Variants in MTRF1L observed in about 807,000 individuals in gnomAD.
The protein encoded by MTRF1L is mitochondrial translation release factor 1 like.
Under a neutral mutation model 40.0 loss-of-function variants are expected in MTRF1L, and 29 were observed. The observed-to-expected ratio is 0.73, with a 90% CI of 0.54 to 0.99. MTRF1L has a LOEUF of 0.99. Ranked by LOEUF, MTRF1L falls within the 50% of genes least tolerant of loss-of-function variation. The pLI, the probability that MTRF1L is intolerant of heterozygous loss-of-function variation, is 0.00. For synonymous variants in MTRF1L, 150 were observed against 175.8 expected (o/e 0.85, Z 1.16); for missense variants, 412 against 464.5 (o/e 0.89, Z 1.04).
chr6:153,001,845 C>A (rs776276710), intron 1 of MTRF1L, among the ~76,000 whole-genome samples: 25 of 152,246 alleles, frequency 1.6e-4, no homozygotes, highest in Non-Finnish European at 3.4e-4. Flanking sequence ...CTTTTCTTTA[C>A]AAAGACGTGA....
intron 3 of MTRF1L, 181 bp from the exon 4 acceptor site, chr6:152,994,857 AAAC>A (rs1309048365): frequency 9.5e-6 from 8 of 844,462 alleles, no homozygotes; most frequent in Non-Finnish European, 1.3e-5. Context: ...TACAAGTACT[AAAC>A]AAAGCATTTA....
chr6:152,990,349 C>T (rs1319673448), intron 6 of MTRF1L: 2 of 484,946 alleles, frequency 4.1e-6, no homozygotes, highest in Admixed American at 3.7e-5. Flanking sequence ...CTTAGTTTCC[C>T]GATCTGCAAA....
intron 5 of MTRF1L, among the ~76,000 whole-genome samples, chr6:152,991,640 G>T (rs897904666): frequency 6.6e-6 from 1 of 152,074 alleles, no homozygotes; most frequent in Non-Finnish European, 1.5e-5. Flanking sequence ...TCCGCCTCCC[G>T]GGTTCACGCC....
intron 6 of MTRF1L, chr6:152,990,302 T>C: frequency 1.4e-6 from 1 of 740,424 alleles, no homozygotes; most frequent in Non-Finnish European, 2.1e-6. Flanking sequence ...ATCTGAATCC[T>C]GCCTCAGCCA....
rs565104713 is a variant in MTRF1L at position 153,002,287 on chromosome 6, G to C, written c.259+140C>G. ...AGAGGATGGGATCACAGCACGTAAT[G>C]ATGTCCTGACCTCTGATCCAAAATA... On this transcript the variant is annotated intron_variant, in intron 1 of 6. Coordinates refer to ENST00000367233, the MANE Select transcript of MTRF1L (RefSeq NM_019041.7). 4 of 1,275,160 alleles carry C rather than the reference G, an allele frequency of 3.1e-6. No homozygotes were observed. The East Asian group carries it at 1.0e-4, about 32-fold the overall frequency. The allele number at this position is 1,275,160 out of a possible 1,614,324, so 79.0% of individuals were successfully genotyped here.
intron 1 of MTRF1L, among the ~76,000 whole-genome samples, chr6:153,000,091 T>C (rs1419741830): frequency 6.6e-6 from 1 of 152,182 alleles, no homozygotes; most frequent in Non-Finnish European, 1.5e-5. Flanking sequence ...AAAAATGAAT[T>C]CTAGCCCTAG....
intron 4 of MTRF1L, among the ~76,000 whole-genome samples, 182 bp downstream of exon 4, chr6:152,994,331 A>C (rs1448448530): frequency 6.6e-6 from 1 of 152,220 alleles, no homozygotes; most frequent in Non-Finnish European, 1.5e-5. Flanking sequence ...ACATTGTATC[A>C]TTTACAAATC....
rs570464392 is a variant in MTRF1L at position 152,991,678 on chromosome 6, C to T, written c.806-357G>A. On this transcript the variant is annotated intron_variant, in intron 5 of 6. Coordinates refer to ENST00000367233, the MANE Select transcript of MTRF1L (RefSeq NM_019041.7). ...TCTCCTGCCTCAGCCTCCCGAGTAG[C>T]TGGGATTACAGGTGCCCGCCATCAC... Among the ~76,000 whole-genome samples the T allele has an allele frequency of 6.6e-5, 10 of 152,258 alleles. No individual in the cohort carries two copies. In the South Asian group the frequency reaches 2.1e-3, roughly 32 times the overall value.
chr6:152,995,171 T>A lies in MTRF1L; in HGVS notation c.488A>T (p.His163Leu). 6.2e-7 allele frequency: 1 copy of A among 1,603,600 alleles called. No homozygotes were observed. The highest frequency in any genetic ancestry group is 8.5e-7 in the Non-Finnish European group (1 of 1,176,568). ...YQQYAAFKRWHFETLEYFPSE... is the reference protein window; with the variant it reads ...YQQYAAFKRWLFETLEYFPSE... ...TGGAAAATATTCCAGGGTTTCAAAATGCCATCTTTTAAATGCAGCATATTG... is the reference window on the plus strand; with the variant it reads ...TGGAAAATATTCCAGGGTTTCAAAAAGCCATCTTTTAAATGCAGCATATTG... The change falls in exon 3 of 7, where the codon CAT (histidine) becomes CTT (leucine). Residue 163 changes from histidine to leucine, a missense_variant. Physicochemically the swap from His to Leu is moderately conservative, Grantham distance 99. Transcript: ENST00000367233.
chr6:152,998,461 C>T, intron 2 of MTRF1L, 89 bp downstream of exon 2: 1 of 966,886 alleles, frequency 1.0e-6, no homozygotes. Context: ...TAAACAGTAA[C>T]AAGCTAGTCA....
intron 2 of MTRF1L, among the ~76,000 whole-genome samples, chr6:152,997,414 C>A (rs1778750742): frequency 6.6e-6 from 1 of 152,170 alleles, no homozygotes; most frequent in African/African-American, 2.4e-5. Context: ...GAGGCAAGAG[C>A]AGAGCTTTCA....
At chr6:152,999,370 A>G (rs1212109696) in intron 1 of MTRF1L, among the ~76,000 whole-genome samples, 1 of 152,254 alleles carries the variant, frequency 6.6e-6, no homozygotes, top group African/African-American at 2.4e-5. Context: ...ATCAGTTTGT[A>G]TGCTTATCTA....
rs1225294743 is a variant in MTRF1L at position 152,987,564 on chromosome 6, G to C, written c.*2331C>G. 5 of 151,978 alleles carry C rather than the reference G, an allele frequency of 3.3e-5. No individual in the cohort carries two copies. The highest frequency in any genetic ancestry group is 7.3e-5 in the African/African-American group (3 of 41,342). 9.4% of individuals were successfully genotyped at this position (151,978 alleles called of 1,614,324 possible). Reference sequence around the variant, plus strand: ...ACTATTAGTCTGCGAAGTAATTCTGGACAAGAGCAGTGGTAATGGAATTGA... The same window carrying C: ...ACTATTAGTCTGCGAAGTAATTCTGCACAAGAGCAGTGGTAATGGAATTGA... On this transcript the variant is annotated 3_prime_UTR_variant, in exon 7 of 7. Coordinates refer to ENST00000367233, the MANE Select transcript of MTRF1L (RefSeq NM_019041.7).
At position 152,993,162 on chromosome 6, in the gene MTRF1L, C is replaced by T. The variant is rs139043427; in HGVS notation, c.688-188G>A. ...TTTGCTTTTTGGAAGAGTAGGGAAT[C>T]GAAATAGTACAGGACTGTACAGTTT... On this transcript the variant is annotated intron_variant, in intron 4 of 6. Coordinates refer to ENST00000367233, the MANE Select transcript of MTRF1L (RefSeq NM_019041.7). 8.4e-3 allele frequency among the ~76,000 whole-genome samples: 1,271 copies of T among 152,154 alleles called. 17 individuals are homozygous for T. Among genetic ancestry groups the T allele is most frequent in the African/African-American group, 0.029 (1,209 of 41,478 alleles).
At chr6:152,996,686 C>T (rs1470246651) in intron 2 of MTRF1L, among the ~76,000 whole-genome samples, 1 of 152,124 alleles carries the variant, frequency 6.6e-6, no homozygotes, top group African/African-American at 2.4e-5. Context: ...AAGAGTGGCT[C>T]TAATTTCATA....
intron 2 of MTRF1L, 117 bp downstream of exon 2, chr6:152,998,432 TA>T (rs1297329678): frequency 7.1e-6 from 5 of 699,856 alleles, no homozygotes; most frequent in Non-Finnish European, 1.1e-5. Context: ...AAAATAAATT[TA>T]AAAAACCCAG....
intron 4 of MTRF1L, 141 bp downstream of exon 4, chr6:152,994,372 T>A: frequency 3.6e-6 from 3 of 827,710 alleles, no homozygotes; most frequent in Non-Finnish European, 5.4e-6. Context: ...AAATTATATT[T>A]TTTAGACTGA....
chr6:152,991,043 A>C, intron 6 of MTRF1L, 142 bp downstream of exon 6: 1 of 515,304 alleles, frequency 1.9e-6, no homozygotes, highest in East Asian at 3.5e-5. Context: ...GATTACTATC[A>C]AAGAAGGATA....
chr6:152,991,401 A>C, intron 5 of MTRF1L, 80 bp from the exon 6 acceptor site: 1 of 1,404,668 alleles, frequency 7.1e-7, no homozygotes, highest in East Asian at 2.8e-5. Flanking sequence ...TTTCCTCCTC[A>C]TCCTTTTTCT....
Sources: allele counts gnomAD v4.1 joint callset (sites outside exome capture counted in the v4.1 genomes callset), GRCh38; gene constraint gnomAD v4.1.1; transcripts MANE v1.5; gene names NCBI Gene and HGNC (gene_info 2026-07-23, HGNC 2026-07-21).